NTN1: variants seen among roughly 807,000 people sequenced by gnomAD.
NTN1 encodes the protein netrin-1.
In NTN1, 11 loss-of-function variants were observed where a neutral mutation model predicts 54.2. The observed-to-expected ratio is 0.20, with a 90% CI of 0.13 to 0.34. NTN1 has a LOEUF of 0.34. Among genes scored for constraint, NTN1 ranks in the 10% least tolerant of loss-of-function variants. The probability of loss-of-function intolerance (pLI) is 1.00; values close to 1 mark genes in which losing one functional copy is unlikely to be tolerated. For missense variants in NTN1, 740 were observed against 893.1 expected (o/e 0.83, Z 2.18); for synonymous variants, 371 against 382.0 (o/e 0.97, Z 0.33).
rs192251860 is a variant in NTN1 at position 9,105,144 on chromosome 17, T to G, written c.1019-57669T>G. The stretch of plus-strand genomic sequence containing the variant: ...GTTAGCCCCTTTACCAGCAGGGACA[T>G]TCCCAAAGAATGCTGCCCTCTGACA... On this transcript the variant is annotated intron_variant, in intron 2 of 6. Coordinates refer to ENST00000173229, the MANE Select transcript of NTN1 (RefSeq NM_004822.3). Among the ~76,000 whole-genome samples, 14 of 152,302 alleles carry G rather than the reference T, an allele frequency of 9.2e-5. 1 individual carries two copies. Among genetic ancestry groups the G allele is most frequent in the Admixed American group, 9.1e-4 (14 of 15,304 alleles).
chr17:9,183,236 C>T lies in NTN1; in HGVS notation c.1411+267C>T, dbSNP rs753785100. 7.4e-6 allele frequency: 5 copies of T among 672,058 alleles called. No individual in the cohort carries two copies. The South Asian group carries it at 7.6e-5, about 10-fold the overall frequency. The allele number at this position is 672,058 out of a possible 1,614,324, so 41.6% of individuals were successfully genotyped here. On this transcript the variant is annotated intron_variant, in intron 5 of 6. Transcript: ENST00000173229. ...AACCCTAAAAACTGAGCTCCTTCTA[C>T]TTGTCCACCAGCTGCCCGCCAGCCC...
intron 5 of NTN1, among the ~76,000 whole-genome samples, chr17:9,187,678 AAC>A (rs1555574446): frequency 1.3e-5 from 2 of 151,088 alleles, no homozygotes; most frequent in Admixed American, 6.6e-5. Flanking sequence ...AAAAAAAAAA[AAC>A]ATTAGCCAGG....
intron 2 of NTN1, among the ~76,000 whole-genome samples, chr17:9,054,472 C>T (rs1207673840): frequency 6.6e-6 from 1 of 152,144 alleles, no homozygotes; most frequent in Non-Finnish European, 1.5e-5. Flanking sequence ...AGGATTAAAG[C>T]CCCCTGTTTG....
intron 2 of NTN1, among the ~76,000 whole-genome samples, chr17:9,073,475 C>G (rs2092039322): frequency 6.6e-6 from 1 of 152,206 alleles, no homozygotes; most frequent in African/African-American, 2.4e-5. Flanking sequence ...TCTTCAAAGC[C>G]TAACTTCAGT....
At position 9,112,823 on chromosome 17, in the gene NTN1, C is replaced by CAAA. The variant is rs386385610; in HGVS notation, c.1019-49973_1019-49971dup. 1.2e-3 allele frequency among the ~76,000 whole-genome samples: 119 copies of CAAA among 96,008 alleles called. 1 individual carries two copies. Among genetic ancestry groups the CAAA allele is most frequent in the Non-Finnish European group, 2.3e-3 (110 of 47,476 alleles). 63.0% of individuals were successfully genotyped at this position (96,008 alleles called of 152,430 possible). On this transcript the variant is annotated intron_variant, in intron 2 of 6. Coordinates refer to ENST00000173229, the MANE Select transcript of NTN1 (RefSeq NM_004822.3). ...CCTGGGTGACAGCGAGACTCCGTCT[C>CAAA]AAAAAAAAAAAAAAAAAAATGCACC... is the stretch of plus-strand genomic sequence containing the variant.
intron 2 of NTN1, among the ~76,000 whole-genome samples, chr17:9,113,931 G>A (rs1310632382): frequency 2.6e-5 from 4 of 151,880 alleles, no homozygotes; most frequent in African/African-American, 9.7e-5. Context: ...GGGAGGCCGA[G>A]GTGGGCGGAT....
intron 3 of NTN1, chr17:9,173,337 ATCT>A (rs2092392315): frequency 6.6e-6 from 1 of 152,190 alleles, no homozygotes; most frequent in Non-Finnish European, 1.5e-5. Context: ...CCCTGACATC[ATCT>A]TCTCTCCAGT....
chr17:9,022,670 C>T lies in NTN1; in HGVS notation c.297C>T (p.Pro99=), dbSNP rs761638017. 3 of 1,575,834 alleles carry T rather than the reference C, an allele frequency of 1.9e-6. No individual in the cohort carries two copies. The highest frequency in any genetic ancestry group is 2.6e-6 in the Non-Finnish European group (3 of 1,162,312). ...GCCACCTCTGCAACGCGTCCGACCC[C>T]AAGAAGGCGCACCCGCCCGCCTTCC... The part of the protein sequence containing the change: ...RSCHLCNASD[P]KKAHPPAFLT... Residue 99 remains proline (P), a synonymous_variant, in exon 2 of 7, where the codon CCC becomes CCT. Transcript: ENST00000173229.
intron 3 of NTN1, among the ~76,000 whole-genome samples, chr17:9,170,612 G>A (rs1364826247): frequency 6.6e-6 from 1 of 152,196 alleles, no homozygotes; most frequent in Non-Finnish European, 1.5e-5. Context: ...GCAGAGATGT[G>A]CCCAGCAGCT....
intron 4 of NTN1, among the ~76,000 whole-genome samples, chr17:9,180,275 G>T (rs534658458): frequency 6.6e-6 from 1 of 152,352 alleles, no homozygotes; most frequent in East Asian, 1.9e-4. Flanking sequence ...CTGACCTCAG[G>T]TGATCCACCC....
intron 3 of NTN1, 50 bp downstream of exon 3, chr17:9,163,051 A>G (rs760514424): frequency 6.6e-7 from 1 of 1,525,088 alleles, no homozygotes; most frequent in East Asian, 2.4e-5. Flanking sequence ...GGGGAACATC[A>G]GTCCTCCCGC....
chr17:9,191,156 G>T (rs1238475696), intron 5 of NTN1, among the ~76,000 whole-genome samples: 1 of 152,176 alleles, frequency 6.6e-6, no homozygotes, highest in East Asian at 1.9e-4. Context: ...TAAAAGGAAA[G>T]ATTTTGAATA....
chr17:9,055,215 TATTC>T (rs1315282279), intron 2 of NTN1, among the ~76,000 whole-genome samples: 1 of 152,204 alleles, frequency 6.6e-6, no homozygotes, highest in East Asian at 1.9e-4. Flanking sequence ...TTCATTCACT[TATTC>T]ATTCTCTCCT....
upstream of NTN1, chr17:9,021,470 G>A (rs1415622661): frequency 6.6e-6 from 1 of 150,648 alleles, no homozygotes; most frequent in Non-Finnish European, 1.5e-5. Flanking sequence ...GCCCCGCCCG[G>A]CGGCCCCGCC....
Position 9,023,091 on chromosome 17 carries a change from G to C in NTN1, c.718G>C (p.Asp240His). 6.4e-7 allele frequency: 1 copy of C among 1,570,700 alleles called. No homozygotes were observed. The highest frequency in any genetic ancestry group is 8.6e-7 in the Non-Finnish European group (1 of 1,159,090). Residue 240 changes from aspartate to histidine, a missense_variant, in exon 2 of 7, where the codon GAC becomes CAC. Physicochemically the swap from Asp to His is moderately conservative, Grantham distance 81. Transcript: ENST00000173229. ...CTTCGACAACTCGCCCGTGCTGCAGGACTGGGTCACGGCCACAGACATCCG... is the reference window on the plus strand; with the variant it reads ...CTTCGACAACTCGCCCGTGCTGCAGCACTGGGTCACGGCCACAGACATCCG... ...HDFDNSPVLQ[D>H]WVTATDIRVA... is the part of the protein sequence containing the mutation.
chr17:9,206,346 C>T (rs1904967983), intron 5 of NTN1, among the ~76,000 whole-genome samples: 1 of 152,216 alleles, frequency 6.6e-6, no homozygotes, highest in Non-Finnish European at 1.5e-5. Flanking sequence ...CTGCTGGGGA[C>T]TCATTTGCAC....
intron 2 of NTN1, among the ~76,000 whole-genome samples, chr17:9,048,038 T>C (rs1465803137): frequency 6.6e-6 from 1 of 152,196 alleles, no homozygotes. Flanking sequence ...GGTGAATCCT[T>C]TTCAGAAGGT....
rs550435979 is a variant in NTN1 at position 9,240,649 on chromosome 17, G to A, written c.*681G>A. 1.3e-5 allele frequency: 2 copies of A among 152,882 alleles called. No individual in the cohort carries two copies. The highest frequency in any genetic ancestry group is 4.8e-5 in the African/African-American group (2 of 41,584). 9.5% of individuals were successfully genotyped at this position (152,882 alleles called of 1,614,324 possible). On this transcript the variant is annotated 3_prime_UTR_variant, in exon 7 of 7. Transcript: ENST00000173229. ...CTGTCTCCACTGCTACCTGCTGAGT[G>A]GGTCCTACTGGGTGGGGGCTTGGGG...
In NTN1 at chr17:9,239,646, A is replaced by G; in HGVS notation, c.1493A>G (p.Gln498Arg). The G allele has an allele frequency of 6.2e-7, 1 of 1,608,060 alleles. No individual in the cohort carries two copies. The highest frequency in any genetic ancestry group is 8.5e-7 in the Non-Finnish European group (1 of 1,174,958). Residue 498 changes from glutamine (Q) to arginine (R), a missense_variant, in exon 7 of 7, where the codon CAG becomes CGG. Physicochemically the swap from Gln to Arg is conservative, Grantham distance 43. Transcript: ENST00000173229. This position sits in a 1 kb window ranked among gnomAD's most constrained non-coding sequence, Gnocchi z 5.2. ...TGCCTGTGCTTCCTTGCAGCCGTCC[A>G]GATCCACATCCTGAAGGCGGACAAG... ...KKYCKKDYAV[Q>R]IHILKADKAG...
Sources: gnomAD v4.1 joint callset for allele counts (sites outside exome capture counted in the v4.1 genomes callset) on GRCh38, gnomAD v4.1.1 for gene constraint, Gnocchi (gnomAD v3.1) non-coding constraint, MANE v1.5 for transcripts, NCBI Gene and HGNC (gene_info 2026-07-23, HGNC 2026-07-21) for gene names.